The following RLF variants were observed in gnomAD, a reference collection of about 807,000 sequenced individuals.
RLF encodes zinc finger protein Rlf.
Under a neutral mutation model 162.9 loss-of-function variants are expected in RLF, and 7 were observed. The ratio of observed to expected loss-of-function variants is 0.04; its 90% CI spans 0.02 to 0.08. The LOEUF (loss-of-function observed/expected upper bound fraction) is 0.08, where lower values mean the gene tolerates loss of function less well. RLF is among the 10% of genes least tolerant of loss of function. The pLI is 1.00. For missense variants in RLF, 1,664 were observed against 2,244.7 expected (o/e 0.74, Z 5.23); for synonymous variants, 782 against 791.5 (o/e 0.99, Z 0.20).
At chr1:40,171,377 G>A (rs886944328) in intron 1 of RLF, among the ~76,000 whole-genome samples, 3 of 152,116 alleles carry the variant, frequency 2.0e-5, no homozygotes, top group Admixed American at 1.3e-4. Flanking sequence ...AATGTGTCAC[G>A]TTAGCCAGCA....
At chr1:40,223,913 G>GT (rs1017372824) in intron 6 of RLF, among the ~76,000 whole-genome samples, 4 of 152,348 alleles carry the variant, frequency 2.6e-5, no homozygotes, top group Admixed American at 6.5e-5. Context: ...TCAAATTGTA[G>GT]TTTTTTACCA....
At chr1:40,191,649 C>T (rs1242913927) in intron 3 of RLF, among the ~76,000 whole-genome samples, 4 of 151,664 alleles carry the variant, frequency 2.6e-5, no homozygotes, top group Non-Finnish European at 5.9e-5. Context: ...CCCAAGAGTC[C>T]GAGGCTGCAG....
In RLF at chr1:40,197,063, C is replaced by T. The variant is rs570873520; in HGVS notation, c.607+1299C>T. Among the ~76,000 whole-genome samples, 12 of 152,064 alleles carry T rather than the reference C, an allele frequency of 7.9e-5. 1 individual carries two copies. The highest frequency in any genetic ancestry group is 1.8e-4 in the Non-Finnish European group (12 of 68,000). ...AGAACTAGCCATTTGATTGTCGATC[C>T]TTTAAAATATCCCAGTTAGTTTATC... On this transcript the variant is annotated intron_variant, in intron 4 of 7. Transcript: ENST00000372771.
chr1:40,216,348 C>CATG (rs1642923774), intron 5 of RLF, among the ~76,000 whole-genome samples: 1 of 151,818 alleles, frequency 6.6e-6, no homozygotes. Flanking sequence ...ATCAGCTGGG[C>CATG]GTGGTGGCAC....
chr1:40,225,967 G>A (rs1014035929), intron 6 of RLF, among the ~76,000 whole-genome samples: 6 of 149,714 alleles, frequency 4.0e-5, no homozygotes, highest in South Asian at 2.1e-4. Flanking sequence ...CAGGAGAATC[G>A]CTTGAGCCTG....
intron 5 of RLF, among the ~76,000 whole-genome samples, chr1:40,204,140 C>A (rs954547591): frequency 6.6e-6 from 1 of 151,492 alleles, no homozygotes; most frequent in African/African-American, 2.4e-5. Context: ...CTCAGCCTCC[C>A]GAGTAGCTGG....
At chr1:40,229,228 G>A (rs1015689309) in intron 6 of RLF, among the ~76,000 whole-genome samples, 14 of 152,004 alleles carry the variant, frequency 9.2e-5, no homozygotes, top group African/African-American at 3.4e-4. Context: ...ATTACTTAAC[G>A]TGCTTAAATC....
intron 5 of RLF, among the ~76,000 whole-genome samples, chr1:40,209,649 G>A (rs914480411): frequency 1.3e-5 from 2 of 152,198 alleles, no homozygotes; most frequent in East Asian, 1.9e-4. Context: ...AGGCCGAGGC[G>A]GGCAGATCAT....
At chr1:40,197,320 T>C (rs1642650758) in intron 4 of RLF, among the ~76,000 whole-genome samples, 1 of 152,200 alleles carries the variant, frequency 6.6e-6, no homozygotes, top group African/African-American at 2.4e-5. Flanking sequence ...GGCATCCCCT[T>C]GTAAATGTAG....
rs1466496568 is a variant in RLF at position 40,206,929 on chromosome 1, TC to T, written c.810+4316del. Among the ~76,000 whole-genome samples, 6 of 152,296 alleles carry T rather than the reference TC, an allele frequency of 3.9e-5. No homozygotes were observed. In the East Asian group the frequency reaches 1.2e-3, roughly 29 times the overall value. On this transcript the variant is annotated intron_variant, in intron 5 of 7. Coordinates refer to ENST00000372771, the MANE Select transcript of RLF (RefSeq NM_012421.4). ...CAGAGAGGCCTTCCTCGCTGTCTCA[TC>T]TAAAATATTACCCTAGCCCCCTACT... is the stretch of plus-strand genomic sequence containing the variant.
At chr1:40,206,456 T>C (rs1340268784) in intron 5 of RLF, among the ~76,000 whole-genome samples, 1 of 152,214 alleles carries the variant, frequency 6.6e-6, no homozygotes, top group Admixed American at 6.5e-5. Flanking sequence ...ATATGCCAAA[T>C]GCTGTGTTAG....
intron 6 of RLF, among the ~76,000 whole-genome samples, chr1:40,223,989 AT>A (rs1158324483): frequency 3.9e-5 from 6 of 152,270 alleles, no homozygotes; most frequent in Non-Finnish European, 7.3e-5. Flanking sequence ...CGACTTAAAT[AT>A]AATTTCTTTA....
At chr1:40,222,425 T>C (rs935664844) in intron 5 of RLF, 149 bp from the exon 6 acceptor site, 2 of 640,818 alleles carry the variant, frequency 3.1e-6, no homozygotes, top group Non-Finnish European at 5.4e-6. Flanking sequence ...TATTTTCTTA[T>C]GTGAAATATT....
intron 4 of RLF, among the ~76,000 whole-genome samples, chr1:40,201,733 C>T (rs943390597): frequency 1.3e-5 from 2 of 151,878 alleles, no homozygotes; most frequent in East Asian, 3.9e-4. Context: ...TTCAGTACTT[C>T]TGAAGCTTTC....
In RLF at chr1:40,184,748, CT is replaced by C. The variant is rs1642450033; in HGVS notation, c.238-4304del. 2.0e-5 allele frequency among the ~76,000 whole-genome samples: 3 copies of C among 152,132 alleles called. No individual in the cohort carries two copies. In the South Asian group the frequency reaches 6.2e-4, roughly 31 times the overall value. ...CTGACCCCTTAGTATATATCATAGC[CT>C]TTCAAGGGCAGGAATAGAGTCTCCA... On this transcript the variant is annotated intron_variant, in intron 1 of 7. Coordinates refer to ENST00000372771, the MANE Select transcript of RLF (RefSeq NM_012421.4).
intron 1 of RLF, among the ~76,000 whole-genome samples, chr1:40,185,731 G>A (rs542227855): frequency 1.4e-5 from 2 of 144,102 alleles, no homozygotes; most frequent in Non-Finnish European, 3.0e-5. Context: ...GGGAGGCTGA[G>A]GCAGGAGAAT....
At chr1:40,234,850 A>T (rs942977395) in intron 7 of RLF, among the ~76,000 whole-genome samples, 4 of 152,154 alleles carry the variant, frequency 2.6e-5, no homozygotes, top group African/African-American at 9.7e-5. Flanking sequence ...ATCACATATG[A>T]CCAGGTCTTC....
At chr1:40,231,708 A>AGTGG in intron 7 of RLF, 50 bp downstream of exon 7, 1 of 1,517,034 alleles carries the variant, frequency 6.6e-7, no homozygotes, top group Non-Finnish European at 8.9e-7. Flanking sequence ...GAAAGAAATG[A>AGTGG]GTGGGAAGAT....
chr1:40,232,383 G>A lies in RLF; in HGVS notation c.1089+725G>A, dbSNP rs769577232. Among the ~76,000 whole-genome samples, 13 of 152,018 alleles carry A rather than the reference G, an allele frequency of 8.6e-5. No homozygotes were observed. The East Asian group carries it at 2.1e-3, about 25-fold the overall frequency. On this transcript the variant is annotated intron_variant, in intron 7 of 7. Coordinates refer to ENST00000372771, the MANE Select transcript of RLF (RefSeq NM_012421.4). ...AAAATTAATACTTAAAACAATGTCC[G>A]TTTTTATCAGTTCAGTTTTGTAAAT... is the stretch of plus-strand genomic sequence containing the variant.
Sources: gnomAD v4.1 joint callset for allele counts (sites outside exome capture counted in the v4.1 genomes callset) on GRCh38, gnomAD v4.1.1 for gene constraint, MANE v1.5 for transcripts, NCBI Gene and HGNC (gene_info 2026-07-23, HGNC 2026-07-21) for gene names.